MCM3AP: variants seen among roughly 807,000 people sequenced by gnomAD.
MCM3AP encodes the protein minichromosome maintenance complex component 3 associated protein, also known as germinal-center associated nuclear protein.
A neutral mutation model predicts 184.1 loss-of-function variants in MCM3AP; 126 were observed. That is an observed-to-expected ratio of 0.68 (90% CI 0.59 to 0.79). MCM3AP has a LOEUF of 0.79. Among genes scored for constraint, MCM3AP ranks in the 30% least tolerant of loss-of-function variants. The pLI is 0.00. For synonymous variants in MCM3AP, 1,002 were observed against 979.3 expected (o/e 1.02, Z -0.43); for missense variants, 2,496 against 2,479.2 (o/e 1.01, Z -0.14).
chr21:46,236,094 A>G (rs2068606766), intron 27 of MCM3AP: 1 of 152,244 alleles, frequency 6.6e-6, no homozygotes, highest in Non-Finnish European at 1.5e-5. Context: ...TTTTTGGGGA[A>G]TATCTGGTAG....
At position 46,284,669 on chromosome 21, in the gene MCM3AP, A is replaced by C. The variant is rs946101700; in HGVS notation, c.618T>G (p.Asn206Lys). The change falls in exon 1 of 28, where the codon AAT becomes AAG. Residue 206 changes from asparagine to lysine, a missense_variant. By Grantham distance (94) the Asn-to-Lys change is moderately conservative. This residue lies in a region of MCM3AP where 800 missense variants were observed against 717.1 expected (regional missense o/e 1.12). Coordinates refer to ENST00000291688, the MANE Select transcript of MCM3AP (RefSeq NM_003906.5). ...QVTSSSATTSNFTFSKPVSSN... is the reference protein window; with the variant it reads ...QVTSSSATTSKFTFSKPVSSN... ...TACTAACAGGTTTTGAAAAGGTAAAATTTGAAGTGGTAGCTGAACTACTTG... is the reference window on the plus strand; with the variant it reads ...TACTAACAGGTTTTGAAAAGGTAAACTTTGAAGTGGTAGCTGAACTACTTG... 2.5e-6 allele frequency: 4 copies of C among 1,614,184 alleles called. No individual in the cohort carries two copies. Among genetic ancestry groups the C allele is most frequent in the Non-Finnish European group, 3.4e-6 (4 of 1,180,022 alleles).
chr21:46,244,505 AG>A, intron 23 of MCM3AP: 1 of 413,284 alleles, frequency 2.4e-6, no homozygotes, highest in South Asian at 3.7e-5. Flanking sequence ...GGACAGGATC[AG>A]GGTTGGTGTT....
At chr21:46,245,641 T>C (rs1348335797) in intron 22 of MCM3AP, among the ~76,000 whole-genome samples, 3 of 152,088 alleles carry the variant, frequency 2.0e-5, no homozygotes, top group Non-Finnish European at 2.9e-5. Context: ...TTTCTCTAAA[T>C]TGTTAGCAAA....
intron 6 of MCM3AP, among the ~76,000 whole-genome samples, chr21:46,274,489 C>T (rs929863770): frequency 1.3e-5 from 2 of 152,120 alleles, no homozygotes; most frequent in Admixed American, 1.3e-4. Flanking sequence ...AAATAATATG[C>T]TGTCATTTTT....
At position 46,244,720 on chromosome 21, in the gene MCM3AP, A is replaced by G. The variant is rs17183262; in HGVS notation, c.5038+87T>C. On this transcript the variant is annotated intron_variant, in intron 23 of 27. Transcript: ENST00000291688. Reference sequence around the variant, plus strand: ...CGTGCAGCCCTCACACTGGTGCCCAACACCTGCCAGACGGTTACTACAGTG... The same window carrying G: ...CGTGCAGCCCTCACACTGGTGCCCAGCACCTGCCAGACGGTTACTACAGTG... The G allele has an allele frequency of 0.048, 69,588 of 1,437,310 alleles. 2,406 individuals are homozygous for G. The highest frequency in any genetic ancestry group is 0.15 in the African/African-American group (10,714 of 70,584). 89.0% of individuals were successfully genotyped at this position (1,437,310 alleles called of 1,614,324 possible).
chr21:46,256,959 C>G lies in MCM3AP; in HGVS notation c.3762G>C (p.Lys1254Asn). The stretch of plus-strand genomic sequence containing the variant: ...AAGCCCGCATTTGGCGCCTCAGTTT[C>G]TTGCGGGCTGTGACAGCTTCCCTCC... ...QRWREAVTAR[K>N]KLRRQMRAFP... Residue 1254 changes from lysine (K) to asparagine (N), a missense_variant, in exon 17 of 28, where the codon AAG (lysine) becomes AAC (asparagine). Physicochemically the swap from Lys to Asn is moderately conservative, Grantham distance 94. Transcript: ENST00000291688. 2 of 1,612,350 alleles carry G rather than the reference C, an allele frequency of 1.2e-6. No homozygotes were observed. The highest frequency in any genetic ancestry group is 1.7e-6 in the Non-Finnish European group (2 of 1,179,156).
intron 13 of MCM3AP, among the ~76,000 whole-genome samples, chr21:46,262,884 G>A (rs1432624916): frequency 3.5e-5 from 5 of 141,708 alleles, no homozygotes; most frequent in African/African-American, 5.2e-5. Flanking sequence ...GGAGAATGGC[G>A]TGAACCCCGG....
In MCM3AP at chr21:46,246,985, C is replaced by G. The variant is rs17183213; in HGVS notation, c.4291-99G>C. Reference sequence around the variant, plus strand: ...AAGTGCAGCCAAAGCTCTCCGTGCACTAAATACTGACTGTACTCCAGACAG... The same window carrying G: ...AAGTGCAGCCAAAGCTCTCCGTGCAGTAAATACTGACTGTACTCCAGACAG... On this transcript the variant is annotated intron_variant, in intron 20 of 27. Transcript: ENST00000291688. 9 of 1,280,686 alleles carry G rather than the reference C, an allele frequency of 7.0e-6. No homozygotes were observed. In the South Asian group the frequency reaches 1.2e-4, roughly 17 times the overall value. 79.3% of individuals were successfully genotyped at this position (1,280,686 alleles called of 1,614,324 possible).
chr21:46,250,390 C>T (rs1219350973), intron 20 of MCM3AP: 1 of 152,284 alleles, frequency 6.6e-6, no homozygotes, highest in Non-Finnish European at 1.5e-5. Flanking sequence ...ACCTAGTGTT[C>T]ATGCCCACGT....
chr21:46,268,666 C>T (rs950732386), intron 9 of MCM3AP, among the ~76,000 whole-genome samples: 2 of 152,202 alleles, frequency 1.3e-5, no homozygotes, highest in African/African-American at 2.4e-5. Flanking sequence ...CACAGGGCTG[C>T]GGGGACAGGA....
chr21:46,245,099 A>G lies in MCM3AP; in HGVS notation c.4746T>C (p.His1582=), dbSNP rs767269533. 2.5e-6 allele frequency: 4 copies of G among 1,614,120 alleles called. No homozygotes were observed. The highest frequency in any genetic ancestry group is 1.7e-5 in the Admixed American group (1 of 60,026). The change falls in exon 23 of 28, where the codon CAT becomes CAC. Residue 1582 remains histidine, a synonymous_variant. Transcript: ENST00000291688. ...CATGGAAAAAGCGGCCACTAAACTC[A>G]TGGCCAATCCCGTCTTCGACGTACT... ...LIQYVEDGIG[H]EFSGRFFHDR... is the part of the protein sequence containing the mutation.
chr21:46,262,965 C>CAAAAAAAAAAAAAA, intron 13 of MCM3AP, among the ~76,000 whole-genome samples: 1 of 45,734 alleles, frequency 2.2e-5, no homozygotes. Flanking sequence ...GACTCCGTCT[C>CAAAAAAAAAAAAAA]AAAAAAAAAA....
intron 12 of MCM3AP, 63 bp from the exon 13 acceptor site, chr21:46,264,280 C>A: frequency 9.6e-7 from 1 of 1,039,580 alleles, no homozygotes. Flanking sequence ...TGCTGGGTAA[C>A]ATGTTGTCAC....
intron 9 of MCM3AP, 62 bp downstream of exon 9, chr21:46,270,339 C>A (rs1358159968): frequency 1.2e-5 from 18 of 1,498,072 alleles, no homozygotes; most frequent in African/African-American, 2.8e-5. Context: ...TAAGAAAGCA[C>A]CCAAACAGCA....
In MCM3AP at chr21:46,266,953, G is replaced by A. The variant is rs778134695; in HGVS notation, c.2789+29C>T. 9.9e-6 allele frequency: 16 copies of A among 1,612,056 alleles called. No homozygotes were observed. The Admixed American group carries it at 2.7e-4, about 27-fold the overall frequency. On this transcript the variant is annotated intron_variant, in intron 10 of 27. Transcript: ENST00000291688. ...AATTAACAAGAAAAAAGGAGACAGG[G>A]GCCCCACAGTTCCATTCTCAGCTCT...
chr21:46,239,643 T>G (rs1194648330), intron 26 of MCM3AP, among the ~76,000 whole-genome samples: 1 of 152,212 alleles, frequency 6.6e-6, no homozygotes. Flanking sequence ...AATGAAGATT[T>G]CAAGGAAGCA....
chr21:46,279,686 C>T (rs17182643), intron 4 of MCM3AP, among the ~76,000 whole-genome samples: 11,018 of 150,544 alleles, frequency 0.073, 603 homozygotes, highest in African/African-American at 0.15. Flanking sequence ...GCAACCTTGG[C>T]CCTAGGGTAT....
chr21:46,248,937 C>G (rs2080824444), intron 20 of MCM3AP, among the ~76,000 whole-genome samples: 1 of 151,922 alleles, frequency 6.6e-6, no homozygotes, highest in Non-Finnish European at 1.5e-5. Flanking sequence ...CAAGAGAGAA[C>G]AGAAAAAAGA....
chr21:46,259,171 G>A (rs2081003160), intron 15 of MCM3AP, 80 bp from the exon 16 acceptor site: 7 of 1,454,490 alleles, frequency 4.8e-6, no homozygotes, highest in African/African-American at 1.4e-5. Flanking sequence ...AAGTGCAAGA[G>A]TCAGTCAGGC....
Sources: gnomAD v4.1 joint callset for allele counts (sites outside exome capture counted in the v4.1 genomes callset) on GRCh38, gnomAD v4.1.1 for gene constraint, gnomAD v4.1.1 regional missense constraint, MANE v1.5 for transcripts, NCBI Gene and HGNC (gene_info 2026-07-23, HGNC 2026-07-21) for gene names.